SASH1: variants seen among roughly 807,000 people sequenced by gnomAD.
SASH1 encodes SAM and SH3 domain-containing protein 1.
A neutral mutation model predicts 125.2 loss-of-function variants in SASH1; 44 were observed. The observed-to-expected ratio is 0.35, with a 90% CI of 0.28 to 0.45. The LOEUF (loss-of-function observed/expected upper bound fraction) is 0.45, where lower values mean the gene tolerates loss of function less well. Ranked by LOEUF, SASH1 falls within the 20% of genes least tolerant of loss-of-function variation. The pLI is 1.00. For synonymous variants in SASH1, 639 were observed against 649.1 expected (o/e 0.98, Z 0.24); for missense variants, 1,426 against 1,614.5 (o/e 0.88, Z 2.00).
the SASH1 span, among the ~76,000 whole-genome samples, chr6:148,212,646 A>G: frequency 1.3e-5 from 2 of 152,230 alleles, no homozygotes; most frequent in Admixed American, 1.3e-4. Flanking sequence ...AGATAAGAAT[A>G]GAATTACATG....
intron 1 of SASH1, among the ~76,000 whole-genome samples, chr6:148,320,793 G>GT (rs758331400): frequency 3.3e-5 from 5 of 152,234 alleles, no homozygotes; most frequent in Non-Finnish European, 7.4e-5. Context: ...CTTCACTTGT[G>GT]TTTTTTAAAA....
rs544202603 is a variant in SASH1 at position 148,366,016 on chromosome 6, G to C, written c.156+22793G>C. 2.1e-3 allele frequency among the ~76,000 whole-genome samples: 325 copies of C among 152,268 alleles called. 1 individual carries two copies. The highest frequency in any genetic ancestry group is 6.7e-3 in the African/African-American group (280 of 41,556). ...TAATCCCAGCTACTCAGGAGGCTGA[G>C]ACAGGAGAATTGCTTGAACCTGGGA... is the stretch of plus-strand genomic sequence containing the variant. On this transcript the variant is annotated intron_variant, in intron 1 of 19. Transcript: ENST00000367467.
chr6:148,349,166 C>T (rs575323228), intron 1 of SASH1, among the ~76,000 whole-genome samples: 12 of 150,556 alleles, frequency 8.0e-5, no homozygotes, highest in East Asian at 5.9e-4. Context: ...TTGTGGGCAC[C>T]GGTGAAAGAG....
chr6:148,537,122 T>TCAAA (rs1281524678), intron 16 of SASH1, among the ~76,000 whole-genome samples: 2 of 152,188 alleles, frequency 1.3e-5, no homozygotes, highest in Admixed American at 1.3e-4. Flanking sequence ...TAGGTTTCTG[T>TCAAA]CAAACAAGAT....
chr6:148,328,306 A>T (rs1488977523), intron 1 of SASH1, among the ~76,000 whole-genome samples: 3 of 152,184 alleles, frequency 2.0e-5, no homozygotes. Flanking sequence ...ATTATTAGTT[A>T]AAAATAGTGA....
the SASH1 span, among the ~76,000 whole-genome samples, chr6:148,206,650 G>C: frequency 6.6e-6 from 1 of 151,752 alleles, no homozygotes; most frequent in Non-Finnish European, 1.5e-5. Flanking sequence ...ATTTGCCAGG[G>C]GTGATGGTAG....
At chr6:148,366,744 C>T (rs928009018) in intron 1 of SASH1, among the ~76,000 whole-genome samples, 3 of 151,558 alleles carry the variant, frequency 2.0e-5, no homozygotes, top group East Asian at 2.0e-4. Flanking sequence ...ATTACAGGTA[C>T]GGGCCACCAA....
chr6:148,194,232 A>G, the SASH1 span, among the ~76,000 whole-genome samples: 1 of 152,186 alleles, frequency 6.6e-6, no homozygotes, highest in Admixed American at 6.5e-5. Flanking sequence ...GTGATTCTAG[A>G]TGATCATGTC....
the SASH1 span, among the ~76,000 whole-genome samples, chr6:148,212,329 G>A: frequency 6.6e-6 from 1 of 152,230 alleles, no homozygotes; most frequent in African/African-American, 2.4e-5. Context: ...CTGATGCCAA[G>A]AGATGGGGAA....
In SASH1 at chr6:148,456,305, A is replaced by G. The variant is rs527852113; in HGVS notation, c.387-12240A>G. On this transcript the variant is annotated intron_variant, in intron 4 of 19. Coordinates refer to ENST00000367467, the MANE Select transcript of SASH1 (RefSeq NM_015278.5). ...CTGGGGGCCCTCCCTGCCCGTCTCT[A>G]TAGGGATCAGTGACCCCATCTCCAT... is the stretch of plus-strand genomic sequence containing the variant. Among the ~76,000 whole-genome samples, 31 of 152,226 alleles carry G rather than the reference A, an allele frequency of 2.0e-4. No homozygotes were observed. In the East Asian group the frequency reaches 2.1e-3, roughly 10 times the overall value.
intron 11 of SASH1, among the ~76,000 whole-genome samples, chr6:148,526,650 T>C (rs2115381362): frequency 6.6e-6 from 1 of 152,262 alleles, no homozygotes; most frequent in South Asian, 2.1e-4. Flanking sequence ...TTTAAAAAAA[T>C]GCAGACTAGA....
In SASH1 at chr6:148,322,927, CT is replaced by C. The variant is rs1447788578; in HGVS notation, n.74+50551del. Among the ~76,000 whole-genome samples, 76 of 117,412 alleles carry C rather than the reference CT, an allele frequency of 6.5e-4. 4 individuals carry two copies. Among genetic ancestry groups the C allele is most frequent in the Admixed American group, 1.3e-3 (14 of 11,086 alleles). The allele number at this position is 117,412 out of a possible 152,430, so 77.0% of individuals were successfully genotyped here. A position where few individuals can be genotyped will look rare whatever the true frequency, so the allele number is the denominator to read the frequency against. ...CTCTCTTTCTTTCTTTTTTCTTTCT[CT>C]CTTTCTTTTCCTTCCTTCCTTCCTC... On this transcript the variant is annotated intron_variant and non_coding_transcript_variant, in intron 1 of 3. Coordinates refer to the SASH1 transcript ENST00000367469.
chr6:148,518,625 G>A (rs1780610343), intron 9 of SASH1, among the ~76,000 whole-genome samples: 1 of 152,142 alleles, frequency 6.6e-6, no homozygotes, highest in African/African-American at 2.4e-5. Context: ...TTCAGCGGGT[G>A]GAAAGCTGCA....
At chr6:148,307,024 T>TTTTCTTTTCTTTTCTTTC in intron 1 of SASH1, among the ~76,000 whole-genome samples, 2 of 120,782 alleles carry the variant, frequency 1.7e-5, no homozygotes, top group South Asian at 6.3e-4. Flanking sequence ...TTTCTCTTTC[T>TTTTCTTTTCTTTTCTTTC]TTTCTTTCTT....
At chr6:148,512,804 T>G in intron 8 of SASH1, 1 of 985,024 alleles carries the variant, frequency 1.0e-6, no homozygotes. Flanking sequence ...GACATAGATA[T>G]TAATACACTT....
At chr6:148,245,021 C>G in the SASH1 span, among the ~76,000 whole-genome samples, 7 of 150,662 alleles carry the variant, frequency 4.6e-5, no homozygotes, top group South Asian at 8.5e-4. Flanking sequence ...ATTCCTTTTT[C>G]AAATCCACAT....
At chr6:148,452,326 C>A (rs1426938750) in intron 4 of SASH1, among the ~76,000 whole-genome samples, 1 of 152,206 alleles carries the variant, frequency 6.6e-6, no homozygotes, top group African/African-American at 2.4e-5. Flanking sequence ...TCCTCTTTGC[C>A]ACTTCATCTT....
chr6:148,531,783 G>C (rs1781533789), intron 13 of SASH1, 122 bp downstream of exon 13: 1 of 773,894 alleles, frequency 1.3e-6, no homozygotes, highest in South Asian at 5.5e-5. Context: ...GGTGCTATTA[G>C]AGAATCAGAC....
At chr6:148,229,180 G>A in the SASH1 span, among the ~76,000 whole-genome samples, 1 of 141,366 alleles carries the variant, frequency 7.1e-6, no homozygotes, top group Non-Finnish European at 1.5e-5. Context: ...TAAAATGACT[G>A]ATGGGTTCTA....
Sources: gnomAD v4.1 joint callset for allele counts (sites outside exome capture counted in the v4.1 genomes callset) on GRCh38, gnomAD v4.1.1 for gene constraint, MANE v1.5 for transcripts, NCBI Gene and HGNC (gene_info 2026-07-23, HGNC 2026-07-21) for gene names.